The following AKR1C1 variants were observed in gnomAD, a reference collection of about 807,000 sequenced individuals.
AKR1C1 encodes the protein aldo-keto reductase family 1 member C1, also known as 20 alpha-hydroxysteroid dehydrogenase.
AKR1C1 carries 32 observed loss-of-function variants against 40.6 expected under a neutral mutation model. The observed-to-expected ratio is 0.79, with a 90% CI of 0.60 to 1.06. The LOEUF (loss-of-function observed/expected upper bound fraction) is 1.06, where lower values mean the gene tolerates loss of function less well. Among genes scored for constraint, AKR1C1 ranks in the 50% least tolerant of loss-of-function variants. AKR1C1 has a pLI of 0.00. For missense variants in AKR1C1, 320 were observed against 363.5 expected, an observed-to-expected ratio of 0.88 and a Z score of 0.97; for synonymous variants, 105 against 134.2, an observed-to-expected ratio of 0.78 and a Z score of 1.50.
chr10:4,977,800 A>G lies in AKR1C1; in HGVS notation c.*58A>G, dbSNP rs1836550867. ...GCCCTGCGTGTGGATGGTGACACAGAGGATGGCTCTATGCTGGTGACTGGA... is the reference window on the plus strand; with the variant it reads ...GCCCTGCGTGTGGATGGTGACACAGGGGATGGCTCTATGCTGGTGACTGGA... On this transcript the variant is annotated 3_prime_UTR_variant, in exon 9 of 9. Transcript: ENST00000380872. 1 of 1,478,526 alleles carries G rather than the reference A, an allele frequency of 6.8e-7. No individual in the cohort carries two copies. Among genetic ancestry groups the G allele is most frequent in the African/African-American group, 1.4e-5 (1 of 71,604 alleles). 91.6% of individuals were successfully genotyped at this position (1,478,526 alleles called of 1,614,324 possible).
chr10:4,978,918 T>C lies in AKR1C1; in HGVS notation c.*1176T>C, dbSNP rs1456353969. The C allele has an allele frequency of 6.6e-6, 1 of 152,248 alleles. No individual in the cohort carries two copies. The highest frequency in any genetic ancestry group is 1.5e-5 in the Non-Finnish European group (1 of 68,042). The allele number at this position is 152,248 out of a possible 1,614,324, so 9.4% of individuals were successfully genotyped here. On this transcript the variant is annotated 3_prime_UTR_variant, in exon 9 of 9. Coordinates refer to ENST00000380872, the MANE Select transcript of AKR1C1 (RefSeq NM_001353.6). Reference sequence around the variant, plus strand: ...GGGACCTAAGTTAATCAGCTAATCATGAAGACATGATTTTCATTTTAGAAA... The same window carrying C: ...GGGACCTAAGTTAATCAGCTAATCACGAAGACATGATTTTCATTTTAGAAA...
At chr10:4,966,313 C>T (rs139444003) in intron 2 of AKR1C1, among the ~76,000 whole-genome samples, 3 of 152,280 alleles carry the variant, frequency 2.0e-5, no homozygotes, top group Admixed American at 1.3e-4. Flanking sequence ...TTGAGCTCAG[C>T]ACAGATCAAT....
In AKR1C1 at chr10:4,970,060, A is replaced by G. The variant is rs1330128470; in HGVS notation, c.570+1116A>G. 8.3e-5 allele frequency: 26 copies of G among 313,032 alleles called. No individual in the cohort carries two copies. The East Asian group carries it at 1.6e-3, about 19-fold the overall frequency. The allele number at this position is 313,032 out of a possible 1,614,324, so 19.4% of individuals were successfully genotyped here. A position where few individuals can be genotyped will look rare whatever the true frequency, so the allele number is the denominator to read the frequency against. On this transcript the variant is annotated intron_variant, in intron 5 of 8. Transcript: ENST00000380872. ...GTTACCATTTATATTCAAAATTACT[A>G]ACATTTTGCAATGTTATATGGAGTA...
In AKR1C1 at chr10:4,978,618, C is replaced by A. The variant is rs4512733; in HGVS notation, c.*876C>A. On this transcript the variant is annotated 3_prime_UTR_variant, in exon 9 of 9. Transcript: ENST00000380872. ...CATATTTAGAAAATATTCTTAGATT[C>A]TAAAAATGTACTATTAATTTGTGAT... is the stretch of plus-strand genomic sequence containing the variant. 2.0e-5 allele frequency: 3 copies of A among 151,732 alleles called. No homozygotes were observed. The highest frequency in any genetic ancestry group is 4.4e-5 in the Non-Finnish European group (3 of 67,948). 9.4% of individuals were successfully genotyped at this position (151,732 alleles called of 1,614,324 possible).
chr10:4,983,046 T>G lies in AKR1C1; in HGVS notation c.*5304T>G, dbSNP rs1588292737. 2.5e-6 allele frequency: 1 copy of G among 400,370 alleles called. No homozygotes were observed. Among genetic ancestry groups the G allele is most frequent in the Admixed American group, 2.7e-5 (1 of 37,492 alleles). 24.8% of individuals were successfully genotyped at this position (400,370 alleles called of 1,614,324 possible). A position where few individuals can be genotyped will look rare whatever the true frequency, so the allele number is the denominator to read the frequency against. On this transcript the variant is annotated 3_prime_UTR_variant, in exon 9 of 9. Transcript: ENST00000380872. ...CAGAGCTGGTGCTGGTATCCACTGC[T>G]GGGAGACTTGTGCTGAGGTGAAGCC...
At position 4,972,253 on chromosome 10, in the gene AKR1C1, C is replaced by G; in HGVS notation, c.623C>G (p.Ser208Ter). Reference sequence around the variant, plus strand: ...AGAAAACTGCTGGATTTCTGCAAGTCAAAAGACATTGTTCTGGTTGCCTAT... The same window carrying G: ...AGAAAACTGCTGGATTTCTGCAAGTGAAAAGACATTGTTCTGGTTGCCTAT... ...NQRKLLDFCKSKDIVLVAYSA... is the reference protein window; with the variant it reads ...NQRKLLDFCK Residue 208 changes from serine to a stop codon, truncating the protein, a stop_gained, in exon 6 of 9, where the codon TCA becomes TGA. Coordinates refer to ENST00000380872, the MANE Select transcript of AKR1C1 (RefSeq NM_001353.6). LOFTEE classifies it high-confidence loss of function. The G allele has an allele frequency of 6.2e-7, 1 of 1,613,808 alleles. No homozygotes were observed. The highest frequency in any genetic ancestry group is 8.5e-7 in the Non-Finnish European group (1 of 1,179,982).
chr10:4,966,192 GA>G, intron 2 of AKR1C1, 111 bp downstream of exon 2: 1 of 1,496,416 alleles, frequency 6.7e-7, no homozygotes. Context: ...TATTTATTAC[GA>G]TTTATTCACA....
Position 4,983,276 on chromosome 10 carries a change from G to A in AKR1C1, c.*5534G>A, listed in dbSNP as rs74111921. The A allele has an allele frequency of 5.6e-3, 941 of 168,496 alleles. 13 individuals carry two copies. The highest frequency in any genetic ancestry group is 0.021 in the African/African-American group (876 of 41,786). 10.4% of individuals were successfully genotyped at this position (168,496 alleles called of 1,614,324 possible). ...GAATATGAGTTAAATAAATGGCTTCGTATTAAAGCCTGTATGTTAAGAGGG... is the reference window on the plus strand; with the variant it reads ...GAATATGAGTTAAATAAATGGCTTCATATTAAAGCCTGTATGTTAAGAGGG... On this transcript the variant is annotated 3_prime_UTR_variant, in exon 9 of 9. Coordinates refer to ENST00000380872, the MANE Select transcript of AKR1C1 (RefSeq NM_001353.6).
In AKR1C1 at chr10:4,980,260, A is replaced by AT. The variant is rs1836595404; in HGVS notation, c.*2520dup. 6.8e-6 allele frequency: 1 copy of AT among 146,680 alleles called. No homozygotes were observed. The highest frequency in any genetic ancestry group is 2.3e-4 in the South Asian group (1 of 4,396). The allele number at this position is 146,680 out of a possible 1,614,324, so 9.1% of individuals were successfully genotyped here. A position where few individuals can be genotyped will look rare whatever the true frequency, so the allele number is the denominator to read the frequency against. On this transcript the variant is annotated 3_prime_UTR_variant, in exon 9 of 9. Transcript: ENST00000380872. ...GAAATGAGAAGGGAATCCAAATGTC[A>AT]TTAAAAAAAAATCACGCCACCTCAC... is the stretch of plus-strand genomic sequence containing the variant.
intron 8 of AKR1C1, among the ~76,000 whole-genome samples, chr10:4,976,949 T>G (rs1836534564): frequency 6.6e-6 from 1 of 152,180 alleles, no homozygotes; most frequent in African/African-American, 2.4e-5. Flanking sequence ...CCAATTAATG[T>G]TTTTGGGGAT....
In AKR1C1 at chr10:4,983,024, AGCTGGT is replaced by A. The variant is rs1554771251; in HGVS notation, c.*5289_*5294del. 1 of 417,192 alleles carries A rather than the reference AGCTGGT, an allele frequency of 2.4e-6. No homozygotes were observed. The highest frequency in any genetic ancestry group is 2.0e-5 in the African/African-American group (1 of 48,838). 25.8% of individuals were successfully genotyped at this position (417,192 alleles called of 1,614,324 possible). On this transcript the variant is annotated 3_prime_UTR_variant, in exon 9 of 9. Coordinates refer to ENST00000380872, the MANE Select transcript of AKR1C1 (RefSeq NM_001353.6). Reference sequence around the variant, plus strand: ...GTCACTCCCCTGCCACCTCAATCAGAGCTGGTGCTGGTATCCACTGCTGGGAGACTT... The same window carrying A: ...GTCACTCCCCTGCCACCTCAATCAGAGCTGGTATCCACTGCTGGGAGACTT...
chr10:4,979,170 C>G lies in AKR1C1; in HGVS notation c.*1428C>G, dbSNP rs1343788057. 1.3e-5 allele frequency: 2 copies of G among 152,190 alleles called. No individual in the cohort carries two copies. Among genetic ancestry groups the G allele is most frequent in the African/African-American group, 4.8e-5 (2 of 41,452 alleles). 9.4% of individuals were successfully genotyped at this position (152,190 alleles called of 1,614,324 possible). A position where few individuals can be genotyped will look rare whatever the true frequency, so the allele number is the denominator to read the frequency against. On this transcript the variant is annotated 3_prime_UTR_variant, in exon 9 of 9. Coordinates refer to ENST00000380872, the MANE Select transcript of AKR1C1 (RefSeq NM_001353.6). Reference sequence around the variant, plus strand: ...CAGTTTTTTCCGTAAATTACTTATTCTATAAAATTGGAGTAGGCCATAAAC... The same window carrying G: ...CAGTTTTTTCCGTAAATTACTTATTGTATAAAATTGGAGTAGGCCATAAAC...
chr10:4,968,952 C>A lies in AKR1C1; in HGVS notation c.570+8C>A, dbSNP rs376899000. The A allele has an allele frequency of 2.0e-5, 32 of 1,614,058 alleles. No individual in the cohort carries two copies. The highest frequency in any genetic ancestry group is 1.3e-4 in the Admixed American group (8 of 60,008). ...AAGCCTGTCTGCAACCAGGTGAGCA[C>A]CCTCAGCCTCCTCTCCTTTCTGTTC... On this transcript the variant is annotated splice_region_variant and intron_variant, in intron 5 of 8. Transcript: ENST00000380872.
At chr10:4,974,650 A>C (rs1318896601) in intron 7 of AKR1C1, among the ~76,000 whole-genome samples, 1 of 152,048 alleles carries the variant, frequency 6.6e-6, no homozygotes, top group Non-Finnish European at 1.5e-5. Context: ...TTTTTAGCAA[A>C]ATTTCCCACC....
At chr10:4,970,600 C>T (rs1836408398) in intron 5 of AKR1C1, among the ~76,000 whole-genome samples, 1 of 151,992 alleles carries the variant, frequency 6.6e-6, no homozygotes, top group Admixed American at 6.6e-5. Context: ...GAAAATGTGG[C>T]ACATATACAC....
Position 4,978,867 on chromosome 10 carries a change from A to G in AKR1C1, c.*1125A>G, listed in dbSNP as rs1229228339. 2 of 152,240 alleles carry G rather than the reference A, an allele frequency of 1.3e-5. No homozygotes were observed. The highest frequency in any genetic ancestry group is 4.8e-5 in the African/African-American group (2 of 41,462). 9.4% of individuals were successfully genotyped at this position (152,240 alleles called of 1,614,324 possible). ...TTTTAAGAACAACTCTTACAAAGGC[A>G]TTTAATTCTTATACATAATTTTCAG... On this transcript the variant is annotated 3_prime_UTR_variant, in exon 9 of 9. Transcript: ENST00000380872.
At position 4,983,114 on chromosome 10, in the gene AKR1C1, G is replaced by C; in HGVS notation, c.*5372G>C. 1 of 305,922 alleles carries C rather than the reference G, an allele frequency of 3.3e-6. No individual in the cohort carries two copies. Among genetic ancestry groups the C allele is most frequent in the South Asian group, 2.8e-5 (1 of 35,418 alleles). The allele number at this position is 305,922 out of a possible 1,614,324, so 19.0% of individuals were successfully genotyped here. A position where few individuals can be genotyped will look rare whatever the true frequency, so the allele number is the denominator to read the frequency against. On this transcript the variant is annotated 3_prime_UTR_variant, in exon 9 of 9. Coordinates refer to ENST00000380872, the MANE Select transcript of AKR1C1 (RefSeq NM_001353.6). Reference sequence around the variant, plus strand: ...GGATGAAGAACTGCACGGAGGAGATGGAGGCACCCAGACAGATGCCCCATG... The same window carrying C: ...GGATGAAGAACTGCACGGAGGAGATCGAGGCACCCAGACAGATGCCCCATG...
At chr10:4,972,468 G>A (rs1320227223) in intron 6 of AKR1C1, 116 bp from the exon 7 acceptor site, 20 of 1,492,328 alleles carry the variant, frequency 1.3e-5, no homozygotes, top group African/African-American at 1.3e-4. Flanking sequence ...GCTGCTGTTC[G>A]GGGGCCTCGC....
rs778903438 is a variant in AKR1C1, at chr10:4,967,024, A to C, written c.350A>C (p.His117Pro). Residue 117 changes from histidine to proline, a missense_variant, in exon 3 of 9, where the codon CAT (histidine) becomes CCT (proline). Coordinates refer to ENST00000380872, the MANE Select transcript of AKR1C1 (RefSeq NM_001353.6). ...QLDYVDLYLI[H>P]FPVSVKPGEE... ...GATTATGTTGACCTCTACCTTATTC[A>C]TTTTCCAGTGTCTGTAAAGGTAGGC... 31 of 1,613,608 alleles carry C rather than the reference A, an allele frequency of 1.9e-5. No individual in the cohort carries two copies. The highest frequency in any genetic ancestry group is 1.6e-4 in the Middle Eastern group (1 of 6,078).
Sources: gnomAD v4.1 joint callset for allele counts (sites outside exome capture counted in the v4.1 genomes callset) on GRCh38, gnomAD v4.1.1 for gene constraint, MANE v1.5 for transcripts, NCBI Gene and HGNC (gene_info 2026-07-23, HGNC 2026-07-21) for gene names.